BNIP2: variants seen among roughly 807,000 people sequenced by gnomAD.
BNIP2 encodes BCL2/adenovirus E1B 19 kDa protein-interacting protein 2.
Under a neutral mutation model 43.4 loss-of-function variants are expected in BNIP2, and 36 were observed. The observed-to-expected ratio is 0.83, with a 90% CI of 0.64 to 1.10. BNIP2 has a LOEUF of 1.10. Ranked by LOEUF, BNIP2 falls within the 50% of genes least tolerant of loss-of-function variation. BNIP2 has a pLI of 0.00. For missense variants in BNIP2, 417 were observed against 374.1 expected (o/e 1.11, Z -0.95); for synonymous variants, 146 against 121.0 (o/e 1.21, Z -1.35).
At chr15:59,682,653 ATTTTTT>A (rs1247680187) in intron 1 of BNIP2, 139 bp from the exon 2 acceptor site, 16 of 444,306 alleles carry the variant, frequency 3.6e-5, no homozygotes, top group Non-Finnish European at 5.2e-5. Flanking sequence ...CAGGGTTGCA[ATTTTTT>A]TTTTTTTTTA....
intron 5 of BNIP2, among the ~76,000 whole-genome samples, chr15:59,673,837 C>T (rs1204095780): frequency 2.0e-5 from 3 of 152,052 alleles, no homozygotes; most frequent in African/African-American, 7.2e-5. Context: ...CTTGTAATTC[C>T]AGCACTTCGG....
At chr15:59,682,046 C>A (rs1464953854) in intron 2 of BNIP2, among the ~76,000 whole-genome samples, 1 of 152,116 alleles carries the variant, frequency 6.6e-6, no homozygotes, top group Non-Finnish European at 1.5e-5. Flanking sequence ...TCAGTGACAT[C>A]TCAGCTGTGC....
intron 1 of BNIP2, 162 bp downstream of exon 1, chr15:59,688,973 G>T: frequency 6.9e-7 from 1 of 1,441,298 alleles, no homozygotes; most frequent in Non-Finnish European, 9.1e-7. Context: ...GATCCAGGAA[G>T]CACCTCCCGA....
intron 5 of BNIP2, 112 bp downstream of exon 5, chr15:59,677,799 C>T (rs928445741): frequency 6.0e-5 from 78 of 1,299,520 alleles, no homozygotes; most frequent in South Asian, 3.1e-4. Context: ...CTCAACCTAG[C>T]GCCTGTGTTC....
chr15:59,688,637 A>G (rs1198003278), intron 1 of BNIP2: 3 of 1,411,000 alleles, frequency 2.1e-6, no homozygotes, highest in Non-Finnish European at 2.9e-6. Flanking sequence ...TGACGTACAC[A>G]CTCTGTATTT....
At chr15:59,687,696 T>G (rs751940516) in intron 1 of BNIP2, among the ~76,000 whole-genome samples, 6 of 152,116 alleles carry the variant, frequency 3.9e-5, no homozygotes, top group Non-Finnish European at 8.8e-5. Flanking sequence ...TACATATACT[T>G]TCTCTGACAC....
At chr15:59,673,431 A>T (rs924081271) in intron 5 of BNIP2, among the ~76,000 whole-genome samples, 1 of 151,234 alleles carries the variant, frequency 6.6e-6, no homozygotes, top group Non-Finnish European at 1.5e-5. Context: ...TGCTTTTTTA[A>T]ATTTTTTTTT....
At chr15:59,682,053 G>A (rs1893712898) in intron 2 of BNIP2, among the ~76,000 whole-genome samples, 1 of 152,132 alleles carries the variant, frequency 6.6e-6, no homozygotes. Context: ...CATCTCAGCT[G>A]TGCAGTGGCT....
At chr15:59,680,353 A>AT (rs6151508) in intron 2 of BNIP2, 45 bp from the exon 3 acceptor site, 88,026 of 1,456,546 alleles carry the variant, frequency 0.06, 4,859 homozygotes, top group East Asian at 0.3. Context: ...TTAAGAAAGA[A>AT]TTTTTTTTTG....
intron 2 of BNIP2, 51 bp downstream of exon 2, chr15:59,682,356 GA>G: frequency 6.8e-7 from 1 of 1,477,364 alleles, no homozygotes; most frequent in Non-Finnish European, 9.2e-7. Context: ...TCTCGATAAA[GA>G]AATTTTGAAC....
At chr15:59,665,307 A>T (rs1280092628) in intron 9 of BNIP2, 1 of 151,868 alleles carries the variant, frequency 6.6e-6, no homozygotes, top group Non-Finnish European at 1.5e-5. Context: ...ACATTCAAAA[A>T]TATCTAATAT....
rs78124961 is a variant in BNIP2 at position 59,687,217 on chromosome 15, G to C, written c.-58+1918C>G. Reference sequence around the variant, plus strand: ...AGATAATCTACTAACTGATGTCTCAGTTTGTTGTAGTTAGAAATATTAGTT... The same window carrying C: ...AGATAATCTACTAACTGATGTCTCACTTTGTTGTAGTTAGAAATATTAGTT... On this transcript the variant is annotated intron_variant, in intron 1 of 9. Transcript: ENST00000607373. 3.0e-3 allele frequency among the ~76,000 whole-genome samples: 459 copies of C among 152,258 alleles called. 2 individuals carry two copies. Among genetic ancestry groups the C allele is most frequent in the African/African-American group, 0.01 (435 of 41,554 alleles).
At chr15:59,682,613 G>A (rs978097368) in intron 1 of BNIP2, 99 bp from the exon 2 acceptor site, 2 of 889,114 alleles carry the variant, frequency 2.2e-6, no homozygotes, top group Non-Finnish European at 3.2e-6. Flanking sequence ...TTGATGTTTA[G>A]TACAATGGTC....
At chr15:59,679,984 C>A (rs1195806405) in intron 3 of BNIP2, among the ~76,000 whole-genome samples, 1 of 152,128 alleles carries the variant, frequency 6.6e-6, no homozygotes, top group Non-Finnish European at 1.5e-5. Flanking sequence ...TAAATAGAGG[C>A]AGACCTTATA....
chr15:59,670,586 A>T (rs191121533), intron 7 of BNIP2, among the ~76,000 whole-genome samples: 79 of 152,348 alleles, frequency 5.2e-4, no homozygotes, highest in Middle Eastern at 3.4e-3. Flanking sequence ...ATTGCATCTT[A>T]TAAATAAGGA....
At position 59,679,745 on chromosome 15, in the gene BNIP2, T is replaced by C; in HGVS notation, c.142A>G (p.Lys48Glu). The C allele has an allele frequency of 6.4e-7, 1 of 1,552,414 alleles. No homozygotes were observed. Among genetic ancestry groups the C allele is most frequent in the Non-Finnish European group, 8.6e-7 (1 of 1,156,388 alleles). The stretch of plus-strand genomic sequence containing the variant: ...GGAGCCATTAGTTTCTTTCTCACTT[T>C]ATTTCCATTAACTTCTAGTGAGCCT... ...QPGSLEVNGN[K>E]VRKKLMAPDI... The change falls in exon 4 of 10, where the codon AAA (lysine) becomes GAA (glutamate). Residue 48 changes from lysine (K) to glutamate (E), a missense_variant. Physicochemically the swap from Lys to Glu is moderately conservative, Grantham distance 56. Coordinates refer to ENST00000607373, the MANE Select transcript of BNIP2 (RefSeq NM_004330.4).
intron 9 of BNIP2, among the ~76,000 whole-genome samples, chr15:59,664,792 A>G (rs1289541656): frequency 6.6e-6 from 1 of 152,226 alleles, no homozygotes; most frequent in Non-Finnish European, 1.5e-5. Flanking sequence ...AACTCCCTCA[A>G]AAATGATTCT....
intron 1 of BNIP2, 52 bp from the exon 2 acceptor site, chr15:59,682,566 C>T: frequency 7.2e-7 from 1 of 1,396,290 alleles, no homozygotes; most frequent in Non-Finnish European, 9.9e-7. Context: ...TTTTTATCCA[C>T]TGAAAAGGCG....
chr15:59,683,930 A>C (rs1038855032), intron 1 of BNIP2, among the ~76,000 whole-genome samples: 2 of 152,250 alleles, frequency 1.3e-5, no homozygotes, highest in African/African-American at 2.4e-5. Context: ...TATTTATTAA[A>C]TAAAATCAAT....
Sources: gnomAD v4.1 joint callset for allele counts (sites outside exome capture counted in the v4.1 genomes callset) on GRCh38, gnomAD v4.1.1 for gene constraint, MANE v1.5 for transcripts, NCBI Gene and HGNC (gene_info 2026-07-23, HGNC 2026-07-21) for gene names.